Variants in PRAG1 observed in about 807,000 individuals in gnomAD.
PRAG1 encodes the protein inactive tyrosine-protein kinase PRAG1.
PRAG1 carries 110 observed loss-of-function variants against 95.6 expected under a neutral mutation model. That is an observed-to-expected ratio of 1.15 (90% CI 0.99 to 1.35). The LOEUF is 1.35. Among genes scored for constraint, PRAG1 ranks in the 40% most tolerant of loss-of-function variants. The pLI, the probability that PRAG1 is intolerant of heterozygous loss-of-function variation, is 0.00. For missense variants in PRAG1, 2,554 were observed against 1,864.7 expected (o/e 1.37, Z -6.81); for synonymous variants, 1,052 against 819.4 (o/e 1.28, Z -4.85).
At chr8:8,355,427 T>G (rs535603876) in intron 3 of PRAG1, among the ~76,000 whole-genome samples, 2 of 152,024 alleles carry the variant, frequency 1.3e-5, no homozygotes, top group Admixed American at 1.3e-4. Context: ...AAAATTCATA[T>G]GGAATGACAA....
chr8:8,386,392 CAGA>C lies in PRAG1; in HGVS notation c.-162_-160del, dbSNP rs1273401681. Reference sequence around the variant, plus strand: ...AGCCGCCCGGCCGGAGCATTGTTCGCAGAAGGTCTGCGCGCGGTGCGTGCCCGG... The same window carrying C: ...AGCCGCCCGGCCGGAGCATTGTTCGCAGGTCTGCGCGCGGTGCGTGCCCGG... On this transcript the variant is annotated 5_prime_UTR_variant, in exon 1 of 6. Transcript: ENST00000615670. The C allele has an allele frequency of 6.6e-6, 1 of 152,206 alleles. No individual in the cohort carries two copies. The highest frequency in any genetic ancestry group is 1.5e-5 in the Non-Finnish European group (1 of 68,068). The allele number at this position is 152,206 out of a possible 1,614,324, so 9.4% of individuals were successfully genotyped here.
At chr8:8,380,454 T>C (rs1446116272) in intron 2 of PRAG1, among the ~76,000 whole-genome samples, 2 of 152,024 alleles carry the variant, frequency 1.3e-5, no homozygotes, top group East Asian at 1.9e-4. Context: ...CAAAGATTAG[T>C]TGGGCATGGC....
At chr8:8,321,903 C>T (rs1237314903) in intron 5 of PRAG1, among the ~76,000 whole-genome samples, 2 of 152,184 alleles carry the variant, frequency 1.3e-5, no homozygotes, top group Non-Finnish European at 2.9e-5. Flanking sequence ...GGTAAGTTTC[C>T]TGGGAACCTC....
chr8:8,319,046 C>T lies in PRAG1; in HGVS notation c.3329G>A (p.Ser1110Asn). The T allele has an allele frequency of 6.2e-7, 1 of 1,612,736 alleles. No homozygotes were observed. The change falls in exon 6 of 6, where the codon AGC (serine) becomes AAC (asparagine). Residue 1110 changes from serine (S) to asparagine (N), a missense_variant. Physicochemically the swap from Ser to Asn is conservative, Grantham distance 46 (BLOSUM62 1). Coordinates refer to ENST00000615670, the MANE Select transcript of PRAG1 (RefSeq NM_001080826.3). ...GTACGCCTCGGGCTCCGCCTGGTGG[C>T]TGGCCGCCGAGTCCCGCACGAAGTC... Reference protein sequence around the residue: ...ASDFVRDSAASHQAEPEAYER... With the variant: ...ASDFVRDSAANHQAEPEAYER...
chr8:8,331,667 C>T (rs1306771841), intron 4 of PRAG1, among the ~76,000 whole-genome samples: 3 of 152,170 alleles, frequency 2.0e-5, no homozygotes, highest in Non-Finnish European at 2.9e-5. Context: ...GGTAACACTT[C>T]TAATTCCCTA....
At chr8:8,378,638 T>C (rs955418099) in intron 2 of PRAG1, among the ~76,000 whole-genome samples, 2 of 152,002 alleles carry the variant, frequency 1.3e-5, no homozygotes, top group African/African-American at 2.4e-5. Flanking sequence ...GGAGGGCAGA[T>C]TGCTTGAGCC....
intron 3 of PRAG1, among the ~76,000 whole-genome samples, chr8:8,362,563 T>G (rs1339565541): frequency 6.6e-6 from 1 of 152,116 alleles, no homozygotes; most frequent in Non-Finnish European, 1.5e-5. Flanking sequence ...AGGAGAAAGA[T>G]CAGAGACCCT....
In PRAG1 at chr8:8,327,794, A is replaced by G. The variant is rs968746557; in HGVS notation, c.2988T>C (p.Cys996=). 6 of 1,614,200 alleles carry G rather than the reference A, an allele frequency of 3.7e-6. No individual in the cohort carries two copies. The highest frequency in any genetic ancestry group is 5.1e-6 in the Non-Finnish European group (6 of 1,180,042). ...ENNWSLFKLT[C]NKPCCDSGDA... is the part of the protein sequence containing the mutation. ...CCCCCGAGTCACAGCAGGGCTTGTT[A>G]CAAGTCAGCTTGAAGAGCGACCAGT... The change falls in exon 5 of 6, where the codon TGT becomes TGC. Residue 996 remains cysteine (C), a synonymous_variant. Transcript: ENST00000615670.
At chr8:8,347,830 T>C (rs1230594627) in intron 3 of PRAG1, among the ~76,000 whole-genome samples, 2 of 151,296 alleles carry the variant, frequency 1.3e-5, no homozygotes, top group African/African-American at 4.8e-5. Flanking sequence ...TTTTTTTTAT[T>C]TTTTGAGGCA....
Position 8,327,863 on chromosome 8 carries a change from G to T in PRAG1, c.2919C>A (p.Leu973=). The change falls in exon 5 of 6, where the codon CTC becomes CTA. Residue 973 remains leucine (L), a synonymous_variant. Coordinates refer to ENST00000615670, the MANE Select transcript of PRAG1 (RefSeq NM_001080826.3). ...GCTCCTTTTTCTGGCCGCCCATGAA[G>T]AGGTCCTCACATTTGGCTACAAGGC... The part of the protein sequence containing the change: ...LARLVAKCED[L]FMGGQKKELH... 6.2e-7 allele frequency: 1 copy of T among 1,614,210 alleles called. No homozygotes were observed. The highest frequency in any genetic ancestry group is 1.1e-5 in the South Asian group (1 of 91,088).
intron 3 of PRAG1, among the ~76,000 whole-genome samples, chr8:8,375,109 C>G (rs1214287175): frequency 6.6e-6 from 1 of 150,698 alleles, no homozygotes; most frequent in East Asian, 1.9e-4. Context: ...TTTCTCGAGT[C>G]TTTAAAAGGT....
At chr8:8,359,322 T>C (rs919986260) in intron 3 of PRAG1, among the ~76,000 whole-genome samples, 126 of 152,344 alleles carry the variant, frequency 8.3e-4, no homozygotes, top group African/African-American at 2.9e-3. Flanking sequence ...GTTGTTTTTG[T>C]TAATCTTATT....
At chr8:8,349,211 G>A (rs1031751093) in intron 3 of PRAG1, among the ~76,000 whole-genome samples, 6 of 152,120 alleles carry the variant, frequency 3.9e-5, no homozygotes, top group Non-Finnish European at 1.5e-5. Context: ...CCAGAAGATA[G>A]GAGGAGAAAG....
intron 3 of PRAG1, chr8:8,374,734 G>A: frequency 1.0e-6 from 1 of 984,726 alleles, no homozygotes; most frequent in Non-Finnish European, 1.2e-6. Flanking sequence ...GAAGATGTCT[G>A]TTCTCCATGG....
chr8:8,330,543 C>A (rs17150101), intron 4 of PRAG1, among the ~76,000 whole-genome samples: 3,677 of 152,234 alleles, frequency 0.024, 141 homozygotes, highest in African/African-American at 0.083. Flanking sequence ...GTGATTTATA[C>A]CCCTTCCAGG....
intron 1 of PRAG1, among the ~76,000 whole-genome samples, chr8:8,383,591 A>C (rs554029143): frequency 6.6e-6 from 1 of 152,238 alleles, no homozygotes; most frequent in South Asian, 2.1e-4. Context: ...AAAAAAACAA[A>C]AAAAAAGTTA....
intron 3 of PRAG1, among the ~76,000 whole-genome samples, chr8:8,368,443 C>A (rs963763983): frequency 1.3e-5 from 2 of 152,202 alleles, no homozygotes; most frequent in Non-Finnish European, 2.9e-5. Context: ...ATGAGCAATG[C>A]AAGCACAGAG....
intron 5 of PRAG1, 137 bp downstream of exon 5, chr8:8,327,573 A>C (rs1798670737): frequency 9.6e-7 from 1 of 1,044,346 alleles, no homozygotes; most frequent in African/African-American, 1.6e-5. Flanking sequence ...CTTATCTTAC[A>C]AGAAAAAAAA....
chr8:8,373,760 T>C (rs1800291119), intron 3 of PRAG1, among the ~76,000 whole-genome samples: 1 of 152,190 alleles, frequency 6.6e-6, no homozygotes, highest in Admixed American at 6.5e-5. Flanking sequence ...GCCCTTCTTT[T>C]TAATTCTTTT....
Sources: allele counts gnomAD v4.1 joint callset (sites outside exome capture counted in the v4.1 genomes callset), GRCh38; gene constraint gnomAD v4.1.1; transcripts MANE v1.5; gene names NCBI Gene and HGNC (gene_info 2026-07-23, HGNC 2026-07-21).